Variants in ODF2 observed in about 807,000 individuals in gnomAD.
The protein encoded by ODF2 is outer dense fiber of sperm tails 2.
Under a neutral mutation model 110.2 loss-of-function variants are expected in ODF2, and 47 were observed. The ratio of observed to expected loss-of-function variants is 0.43; its 90% confidence interval spans 0.34 to 0.54. The LOEUF (loss-of-function observed/expected upper bound fraction) is 0.54. Among genes scored for constraint, ODF2 ranks in the 20% least tolerant of loss-of-function variants. ODF2 has a pLI of 0.03. For synonymous variants in ODF2, 352 were observed against 397.7 expected, an observed-to-expected ratio of 0.89 and a Z score of 1.37; for missense variants, 812 against 1,054.5, an observed-to-expected ratio of 0.77 and a Z score of 3.19.
At chr9:128,473,646 A>G in exon 8 of ODF2, 1 of 1,613,562 alleles carries the variant, frequency 6.2e-7, no homozygotes, top group South Asian at 1.1e-5. Context: ...CAACACCCTG[A>G]CAAGGCAGAA....
chr9:128,475,907 G>C (rs1841161866), intron 8 of ODF2, among the ~76,000 whole-genome samples: 1 of 151,846 alleles, frequency 6.6e-6, no homozygotes, highest in Admixed American at 6.6e-5. Flanking sequence ...GCCTCCCAAA[G>C]TGCTGGGATT....
intron 13 of ODF2, among the ~76,000 whole-genome samples, chr9:128,486,443 G>A (rs1223041099): frequency 6.6e-6 from 1 of 152,196 alleles, no homozygotes; most frequent in Non-Finnish European, 1.5e-5. Context: ...GAGTTTGCCA[G>A]GTAAACTGGA....
At chr9:128,471,344 A>C (rs1839957023) in exon 6 of ODF2, 1 of 1,612,024 alleles carries the variant, frequency 6.2e-7, no homozygotes, top group East Asian at 2.2e-5. Context: ...GATGGCCAAA[A>C]GGTTCCTGGA....
exon 5 of ODF2, chr9:128,469,321 C>T (rs766148186): frequency 1.2e-6 from 2 of 1,614,152 alleles, no homozygotes; most frequent in Non-Finnish European, 8.5e-7. Flanking sequence ...GATTGATAGT[C>T]TAATGAATGC....
intron 1 of ODF2, 40 bp downstream of exon 1, chr9:128,456,295 GGCACCGCGGGCGAGACCGTCGCCTTC>G: frequency 6.6e-7 from 1 of 1,511,658 alleles, no homozygotes; most frequent in Non-Finnish European, 8.8e-7. Flanking sequence ...CGCCCTCCGG[GGCACCGCGGGCGAGACCGTCGCCTTC>G]GCACCCCCGG....
intron 20 of ODF2, among the ~76,000 whole-genome samples, chr9:128,499,351 T>C (rs1173362444): frequency 1.3e-5 from 2 of 152,168 alleles, no homozygotes; most frequent in East Asian, 3.9e-4. Context: ...AGTGGTACGA[T>C]CTCAGCTCAC....
chr9:128,472,074 T>C (rs1026247787), intron 6 of ODF2, among the ~76,000 whole-genome samples: 10 of 151,976 alleles, frequency 6.6e-5, no homozygotes, highest in African/African-American at 1.9e-4. Flanking sequence ...AGGTCAGGAG[T>C]TCGAGACCAG....
Position 128,494,843 on chromosome 9 carries a change from G to A in ODF2, c.1911+175G>A. On this transcript the variant is annotated intron_variant, in intron 17 of 20. Transcript: ENST00000604420. This position sits in a 1 kb window ranked among gnomAD's most constrained non-coding sequence, Gnocchi z 4.6. ...AAAAGTCTGGTGTGCCAAATGCCAT[G>A]TGTTTGCACAAAGTGATTGTAGTTA... 1 of 1,492,662 alleles carries A rather than the reference G, an allele frequency of 6.7e-7. No individual in the cohort carries two copies. Among genetic ancestry groups the A allele is most frequent in the South Asian group, 1.3e-5 (1 of 74,710 alleles). 92.5% of individuals were successfully genotyped at this position (1,492,662 alleles called of 1,614,324 possible).
At chr9:128,495,540 C>G (rs1845429758) in intron 17 of ODF2, among the ~76,000 whole-genome samples, 1 of 152,242 alleles carries the variant, frequency 6.6e-6, no homozygotes, top group Admixed American at 6.5e-5. Context: ...GCCTTGATAG[C>G]TGAGGCTTCT....
At chr9:128,484,135 A>C in intron 11 of ODF2, 81 bp downstream of exon 11, 1 of 1,004,586 alleles carries the variant, frequency 1.0e-6, no homozygotes, top group South Asian at 1.3e-5. Flanking sequence ...CAGATATCAC[A>C]CTCAGGAAGT....
chr9:128,485,279 AACC>A lies in ODF2; in HGVS notation c.1291-82_1291-80del. ...TGAGGTTTAGGTTACCAGGGTGAGAAACCACCTAGGATGAGCCCGCTCCCAGCT... is the reference window on the plus strand; with the variant it reads ...TGAGGTTTAGGTTACCAGGGTGAGAAACCTAGGATGAGCCCGCTCCCAGCT... On this transcript the variant is annotated intron_variant, in intron 12 of 20. Transcript: ENST00000604420. The surrounding 1 kb of genome is among the most constrained non-coding windows in gnomAD (Gnocchi z 5.0). The A allele has an allele frequency of 2.8e-6, 2 of 718,938 alleles. No individual in the cohort carries two copies. Among genetic ancestry groups the A allele is most frequent in the South Asian group, 1.7e-5 (1 of 59,756 alleles). 44.5% of individuals were successfully genotyped at this position (718,938 alleles called of 1,614,324 possible).
intron 4 of ODF2, among the ~76,000 whole-genome samples, chr9:128,463,930 C>T (rs905299009): frequency 2.0e-5 from 3 of 152,036 alleles, no homozygotes; most frequent in Admixed American, 6.6e-5. Context: ...CTGCAACCTC[C>T]ACCTCCTGGG....
intron 8 of ODF2, among the ~76,000 whole-genome samples, chr9:128,476,119 T>C (rs1564490069): frequency 6.6e-6 from 1 of 152,164 alleles, no homozygotes; most frequent in Non-Finnish European, 1.5e-5. Context: ...CATTCATCTG[T>C]TGATGGACAC....
chr9:128,477,301 C>T (rs1179987337), intron 8 of ODF2, among the ~76,000 whole-genome samples: 2 of 151,812 alleles, frequency 1.3e-5, no homozygotes, highest in Non-Finnish European at 2.9e-5. Context: ...GTAATTCCCA[C>T]ACTCTGGGAG....
chr9:128,492,039 G>A (rs1451313486), intron 14 of ODF2, among the ~76,000 whole-genome samples: 2 of 151,638 alleles, frequency 1.3e-5, no homozygotes, highest in Admixed American at 6.6e-5. Flanking sequence ...CTAATTTTTT[G>A]TACCTTTAGT....
intron 8 of ODF2, among the ~76,000 whole-genome samples, chr9:128,474,989 T>G: frequency 6.6e-6 from 1 of 152,100 alleles, no homozygotes; most frequent in East Asian, 1.9e-4. Context: ...TTGTCTGAAC[T>G]TTATATGTTA....
rs556242835 is a variant in ODF2 at position 128,488,849 on chromosome 9, C to CA, written c.1536+832dup. Among the ~76,000 whole-genome samples, 298 of 151,786 alleles carry CA rather than the reference C, an allele frequency of 2.0e-3. 1 individual carries two copies. Among genetic ancestry groups the CA allele is most frequent in the African/African-American group, 6.8e-3 (280 of 41,404 alleles). ...CGAAACCCTGTCTGTACTAAAAATA[C>CA]AAAAAAAATTATCTGGGCATGGTGG... On this transcript the variant is annotated intron_variant, in intron 14 of 20. Transcript: ENST00000604420.
chr9:128,458,908 G>T (rs1196842809), intron 2 of ODF2, among the ~76,000 whole-genome samples: 4 of 152,022 alleles, frequency 2.6e-5, no homozygotes, highest in Non-Finnish European at 5.9e-5. Context: ...GCAGTGGCGT[G>T]GTTACGGCTC....
chr9:128,456,532 C>T, intron 1 of ODF2: 2 of 1,527,754 alleles, frequency 1.3e-6, no homozygotes, highest in South Asian at 2.4e-5. Flanking sequence ...GGCAGGGCTT[C>T]ACCTTTCTCT....
Sources: gnomAD v4.1 joint callset for allele counts (sites outside exome capture counted in the v4.1 genomes callset) on GRCh38, gnomAD v4.1.1 for gene constraint, Gnocchi (gnomAD v3.1) non-coding constraint, MANE v1.5 for transcripts, NCBI Gene and HGNC (gene_info 2026-07-23, HGNC 2026-07-21) for gene names.